Variants in SLC2A7 observed in about 807,000 individuals in gnomAD.
SLC2A7 encodes the protein solute carrier family 2 member 7, also known as solute carrier family 2, facilitated glucose transporter member 7.
A neutral mutation model predicts 50.5 loss-of-function variants in SLC2A7; 50 were observed. The observed-to-expected ratio is 0.99, with a 90% CI of 0.79 to 1.25. The LOEUF (loss-of-function observed/expected upper bound fraction) is 1.25. Ranked by LOEUF, SLC2A7 falls within the 50% of genes most tolerant of loss-of-function variation. The pLI is 0.00. For missense variants in SLC2A7, 683 were observed against 679.1 expected, an observed-to-expected ratio of 1.01 and a Z score of -0.06; for synonymous variants, 308 against 300.4, an observed-to-expected ratio of 1.03 and a Z score of -0.26.
chr1:9,015,965 A>G (rs913808060), intron 5 of SLC2A7, among the ~76,000 whole-genome samples: 9 of 151,932 alleles, frequency 5.9e-5, no homozygotes, highest in African/African-American at 2.2e-4. Context: ...TCTTGGGCTC[A>G]AATGATCCTC....
chr1:8,993,935 A>G, the SLC2A7 span, among the ~76,000 whole-genome samples: 6,840 of 152,218 alleles, frequency 0.045, 212 homozygotes, highest in Non-Finnish European at 0.064. Context: ...CCACCCAGAG[A>G]ATGTTCTCTT....
At position 9,007,398 on chromosome 1, in the gene SLC2A7, G is replaced by A; in HGVS notation, c.1117-13C>T. 6.2e-7 allele frequency: 1 copy of A among 1,613,896 alleles called. No individual in the cohort carries two copies. ...CGGGGACCCTGTTCTGTGGGGAGAG[G>A]CAGGGCTGTCTGGGCTGAGGCCAGG... On this transcript the variant is annotated splice_polypyrimidine_tract_variant and intron_variant, in intron 9 of 11. Coordinates refer to ENST00000400906, the MANE Select transcript of SLC2A7 (RefSeq NM_207420.3).
chr1:9,012,178 C>T (rs1411527100), intron 8 of SLC2A7, among the ~76,000 whole-genome samples: 1 of 152,176 alleles, frequency 6.6e-6, no homozygotes, highest in South Asian at 2.1e-4. Flanking sequence ...GACAGACTAT[C>T]ACTGCCATTC....
intron 3 of SLC2A7, among the ~76,000 whole-genome samples, chr1:9,022,474 G>A (rs934235349): frequency 3.3e-5 from 5 of 152,136 alleles, no homozygotes; most frequent in African/African-American, 1.2e-4. Context: ...GACAGTGGCC[G>A]GCAGCGTGAC....
At chr1:9,004,329 T>C (rs1640619432) in intron 11 of SLC2A7, among the ~76,000 whole-genome samples, 1 of 66,824 alleles carries the variant, frequency 1.5e-5, no homozygotes, top group Non-Finnish European at 3.1e-5. Context: ...CAAGGCCCTG[T>C]CTAAAAAAAA....
At position 9,007,284 on chromosome 1, in the gene SLC2A7, G is replaced by T. The variant is rs773380099; in HGVS notation, c.1192+26C>A. Reference sequence around the variant, plus strand: ...CCCAGGAATGGACCAGGATGGCCGGGGCGAGGGAGGCGTGCAGGTACTCAC... The same window carrying T: ...CCCAGGAATGGACCAGGATGGCCGGTGCGAGGGAGGCGTGCAGGTACTCAC... On this transcript the variant is annotated intron_variant, in intron 10 of 11. Coordinates refer to ENST00000400906, the MANE Select transcript of SLC2A7 (RefSeq NM_207420.3). 11 of 1,613,566 alleles carry T rather than the reference G, an allele frequency of 6.8e-6. No individual in the cohort carries two copies. In the South Asian group the frequency reaches 9.9e-5, roughly 14 times the overall value.
chr1:9,013,566 C>T lies in SLC2A7; in HGVS notation c.973G>A (p.Val325Met), dbSNP rs1569794292. 6.2e-7 allele frequency: 1 copy of T among 1,614,088 alleles called. No individual in the cohort carries two copies. Among genetic ancestry groups the T allele is most frequent in the South Asian group, 1.1e-5 (1 of 91,072 alleles). The change falls in exon 8 of 12, where the codon GTG becomes ATG. Residue 325 changes from valine (V) to methionine (M), a missense_variant. Transcript: ENST00000400906. Reference sequence around the variant, plus strand: ...ACTATGTTGACGACGCCAGAGCCCACCGTTACATATTGGGAGTGAGCGGCC... The same window carrying T: ...ACTATGTTGACGACGCCAGAGCCCATCGTTACATATTGGGAGTGAGCGGCC... ...VEAAHSQYVT[V>M]GSGVVNIVMT...
rs146207946 is a variant in SLC2A7 at position 9,025,948 on chromosome 1, G to A, written c.51+347C>T. ...CACAGCCCGTAGCTCTGCACATCCA[G>A]GAACAACCAGACAGAAGGGCAGGAT... On this transcript the variant is annotated intron_variant, in intron 1 of 11. Coordinates refer to ENST00000400906, the MANE Select transcript of SLC2A7 (RefSeq NM_207420.3). 3.7e-3 allele frequency among the ~76,000 whole-genome samples: 559 copies of A among 152,276 alleles called. 1 individual carries two copies. In the Middle Eastern group the frequency reaches 0.044, roughly 12 times the overall value.
At chr1:9,001,379 C>T (rs1456059476), downstream of SLC2A7, among the ~76,000 whole-genome samples, 1 of 150,960 alleles carries the variant, frequency 6.6e-6, no homozygotes, top group Middle Eastern at 3.5e-3. Flanking sequence ...GCCTAGGATT[C>T]CAGCAGGGAG....
intron 3 of SLC2A7, among the ~76,000 whole-genome samples, chr1:9,020,600 T>G (rs1008151896): frequency 8.5e-6 from 1 of 117,912 alleles, no homozygotes; most frequent in Non-Finnish European, 1.6e-5. Flanking sequence ...AGGAGAAGAA[T>G]GGGCAGTGGA....
chr1:9,025,780 T>C (rs1640989693), intron 1 of SLC2A7, among the ~76,000 whole-genome samples: 1 of 151,964 alleles, frequency 6.6e-6, no homozygotes, highest in Non-Finnish European at 1.5e-5. Flanking sequence ...AGGGCCAAAG[T>C]CTGAGGAGCA....
chr1:9,008,398 C>T lies in SLC2A7; in HGVS notation c.1117-1013G>A, dbSNP rs998173917. Among the ~76,000 whole-genome samples, 3 of 152,076 alleles carry T rather than the reference C, an allele frequency of 2.0e-5. No individual in the cohort carries two copies. The highest frequency in any genetic ancestry group is 7.2e-5 in the African/African-American group (3 of 41,402). ...GCGAGGCTGGCTGGGTTGGTGGGGC[C>T]GCCCTGGACCCGGTGTGAAGCGAGC... On this transcript the variant is annotated intron_variant, in intron 9 of 11. Transcript: ENST00000400906. This position sits in a 1 kb window ranked among gnomAD's most constrained non-coding sequence, Gnocchi z 5.9.
At chr1:9,002,584 T>C (rs537651747), downstream of SLC2A7, among the ~76,000 whole-genome samples, 2 of 152,266 alleles carry the variant, frequency 1.3e-5, no homozygotes, top group African/African-American at 2.4e-5. Context: ...CATTACTCTA[T>C]AGTCCTGCCA....
At chr1:9,007,202 G>C (rs1376634752) in intron 10 of SLC2A7, 108 bp downstream of exon 10, 2 of 1,272,062 alleles carry the variant, frequency 1.6e-6, no homozygotes, top group African/African-American at 2.9e-5. Flanking sequence ...TGAGCACGGG[G>C]ACCAAGGACG....
chr1:9,023,838 CTT>C (rs1162143987), intron 2 of SLC2A7, among the ~76,000 whole-genome samples: 3 of 17,152 alleles, frequency 1.7e-4, no homozygotes, highest in African/African-American at 4.8e-4. Flanking sequence ...TATTCTTCTT[CTT>C]TTTTTTTTTT....
At chr1:9,007,407 T>A (rs1465463858) in intron 9 of SLC2A7, 22 bp from the exon 10 acceptor site, 2 of 1,613,182 alleles carry the variant, frequency 1.2e-6, no homozygotes, top group East Asian at 2.2e-5. Flanking sequence ...GGCAGGGCTG[T>A]CTGGGCTGAG....
intron 8 of SLC2A7, among the ~76,000 whole-genome samples, chr1:9,010,992 C>T (rs1640740658): frequency 6.6e-6 from 1 of 152,246 alleles, no homozygotes; most frequent in Non-Finnish European, 1.5e-5. Flanking sequence ...CCAGGTCTTC[C>T]TTTGCTGAGC....
At chr1:8,999,582 C>A (rs907420308), downstream of SLC2A7, among the ~76,000 whole-genome samples, 1 of 152,218 alleles carries the variant, frequency 6.6e-6, no homozygotes, top group African/African-American at 2.4e-5. Context: ...TCAGCCCACA[C>A]TCTGGTGATG....
Position 9,025,074 on chromosome 1 carries a change from G to T in SLC2A7, c.52C>A (p.Arg18=). ...TPPPIPSREG[R]LQPTLLLATL... is the part of the protein sequence containing the mutation. Reference sequence around the variant, plus strand: ...GCCAGCAACAGCGTCGGCTGGAGCCGCTGTAGGAGACAAGTCCAAGGTCGG... The same window carrying T: ...GCCAGCAACAGCGTCGGCTGGAGCCTCTGTAGGAGACAAGTCCAAGGTCGG... Residue 18 remains arginine, a splice_region_variant and synonymous_variant, in exon 2 of 12, where the codon CGG becomes AGG. Transcript: ENST00000400906. 2.5e-6 allele frequency: 4 copies of T among 1,613,586 alleles called. No homozygotes were observed. The highest frequency in any genetic ancestry group is 1.1e-5 in the South Asian group (1 of 91,076).
Sources: allele counts gnomAD v4.1 joint callset (sites outside exome capture counted in the v4.1 genomes callset), GRCh38; gene constraint gnomAD v4.1.1; non-coding constraint Gnocchi (gnomAD v3.1); transcripts MANE v1.5; gene names NCBI Gene and HGNC (gene_info 2026-07-23, HGNC 2026-07-21).